Variants in PTCH1 observed in about 807,000 individuals in gnomAD.
PTCH1 encodes patched 1.
In PTCH1, 14 loss-of-function variants were observed where a neutral mutation model predicts 144.6. That is an observed-to-expected ratio of 0.10 (90% CI 0.06 to 0.15). PTCH1 has a LOEUF of 0.15. Ranked by LOEUF, PTCH1 falls within the 10% of genes least tolerant of loss-of-function variation. The pLI is 1.00. For synonymous variants in PTCH1, 833 were observed against 793.6 expected, an observed-to-expected ratio of 1.05 and a Z score of -0.83; for missense variants, 1,623 against 1,948.3, an observed-to-expected ratio of 0.83 and a Z score of 3.14.
intron 20 of PTCH1, 105 bp from the exon 21 acceptor site, chr9:95,450,045 C>T (rs1229005461): frequency 2.1e-5 from 21 of 1,006,014 alleles, no homozygotes; most frequent in Non-Finnish European, 2.9e-5. Flanking sequence ...ATGAACAAAA[C>T]CCACCCCACT....
chr9:95,485,630 C>G, intron 3 of PTCH1, 55 bp downstream of exon 3: 1 of 1,606,818 alleles, frequency 6.2e-7, no homozygotes, highest in Non-Finnish European at 8.5e-7. Context: ...AACCAGCAGC[C>G]TTCTCCCACC....
intron 3 of PTCH1, among the ~76,000 whole-genome samples, chr9:95,485,042 C>T (rs1841858700): frequency 6.6e-6 from 1 of 152,032 alleles, no homozygotes; most frequent in South Asian, 2.1e-4. Flanking sequence ...CCCATCTCTA[C>T]TGAAAATACA....
intron 12 of PTCH1, chr9:95,474,012 C>T (rs866345922): frequency 6.5e-6 from 3 of 462,418 alleles, no homozygotes; most frequent in South Asian, 1.5e-5. Context: ...AGGTGCTTAC[C>T]TTGGGAGAAT....
chr9:95,498,456 G>GT (rs1268844848), intron 2 of PTCH1, among the ~76,000 whole-genome samples: 2 of 152,154 alleles, frequency 1.3e-5, no homozygotes, highest in African/African-American at 4.8e-5. Flanking sequence ...CATGACAGCT[G>GT]TTTTTCCAGC....
chr9:95,446,691 G>A, intron 23 of PTCH1: 4 of 634,634 alleles, frequency 6.3e-6, no homozygotes, highest in Non-Finnish European at 1.1e-5. Context: ...CCGCAGGTTA[G>A]CAGTGGGGGA....
At chr9:95,446,589 A>G (rs1357251995) in intron 23 of PTCH1, 198 bp from the exon 24 acceptor site, 2 of 469,272 alleles carry the variant, frequency 4.3e-6, no homozygotes, top group Non-Finnish European at 8.0e-6. Context: ...TTCCCATGTG[A>G]CCAATTCGCT....
chr9:95,509,999 A>G (rs1368594076), upstream of PTCH1, among the ~76,000 whole-genome samples: 3 of 144,242 alleles, frequency 2.1e-5, no homozygotes, highest in Non-Finnish European at 3.1e-5. Flanking sequence ...TCTCCCCCCA[A>G]CTTAAAAAAA....
chr9:95,458,308 G>A lies in PTCH1; in HGVS notation c.2888-15C>T, dbSNP rs1372660225. 1.2e-5 allele frequency: 19 copies of A among 1,612,878 alleles called. No individual in the cohort carries two copies. The highest frequency in any genetic ancestry group is 1.6e-5 in the Non-Finnish European group (19 of 1,179,640). On this transcript the variant is annotated splice_polypyrimidine_tract_variant and intron_variant, in intron 17 of 23. Coordinates refer to ENST00000331920, the MANE Select transcript of PTCH1 (RefSeq NM_000264.5). This position sits in a 1 kb window ranked among gnomAD's most constrained non-coding sequence, Gnocchi z 4.7. ...TGCTGCCGGGACTGGACAGAGAAGG[G>A]CACAGGTTAGGAGCAGCCCAGGGTA...
intron 2 of PTCH1, among the ~76,000 whole-genome samples, chr9:95,503,563 G>T (rs938656377): frequency 2.0e-5 from 3 of 152,136 alleles, no homozygotes; most frequent in Non-Finnish European, 2.9e-5. Flanking sequence ...ATGAATGAAT[G>T]AATGAATGAA....
upstream of PTCH1, among the ~76,000 whole-genome samples, chr9:95,512,301 C>T (rs577159491): frequency 1.3e-5 from 2 of 152,320 alleles, no homozygotes; most frequent in South Asian, 4.1e-4. Flanking sequence ...ACAATGGTCC[C>T]GGCCTGTAAA....
intron 2 of PTCH1, among the ~76,000 whole-genome samples, chr9:95,498,677 A>G (rs1222678354): frequency 6.6e-6 from 1 of 152,250 alleles, no homozygotes; most frequent in African/African-American, 2.4e-5. Flanking sequence ...AAAAAAATCC[A>G]GTGAGTATTA....
chr9:95,494,552 T>C (rs1842664631), intron 2 of PTCH1, among the ~76,000 whole-genome samples: 1 of 152,180 alleles, frequency 6.6e-6, no homozygotes, highest in Non-Finnish European at 1.5e-5. Flanking sequence ...TCCCAGGTTC[T>C]ACCACAACCT....
rs188325835 is a variant in PTCH1 at position 95,469,938 on chromosome 9, G to A, written c.1729-7C>T. The A allele has an allele frequency of 1.2e-6, 2 of 1,609,006 alleles. No individual in the cohort carries two copies. Among genetic ancestry groups the A allele is most frequent in the Admixed American group, 1.7e-5 (1 of 59,996 alleles). On this transcript the variant is annotated splice_region_variant and splice_polypyrimidine_tract_variant and intron_variant, in intron 12 of 23. Coordinates refer to ENST00000331920, the MANE Select transcript of PTCH1 (RefSeq NM_000264.5). ...ACACCACTACTACCGCTGCCTGGGA[G>A]CAGAAAAAAAATTCAGAGGTCACCA...
intron 16 of PTCH1, among the ~76,000 whole-genome samples, chr9:95,460,318 C>T (rs1352543544): frequency 1.3e-5 from 2 of 152,150 alleles, no homozygotes; most frequent in Non-Finnish European, 1.5e-5. Flanking sequence ...CGAGTGCACA[C>T]CCTCAAGCCT....
Position 95,459,774 on chromosome 9 carries a change from G to C in PTCH1, c.2713C>G (p.Gln905Glu). 6.2e-7 allele frequency: 1 copy of C among 1,614,174 alleles called. No individual in the cohort carries two copies. Among genetic ancestry groups the C allele is most frequent in the African/African-American group, 1.3e-5 (1 of 75,060 alleles). The stretch of plus-strand genomic sequence containing the variant: ...ATGCCATCTGCATCCACCAGACGCT[G>C]TTTAGTCAACTACAAAAACGGGAAG... ...KPIDISQLTK[Q>E]RLVDADGIIN... Residue 905 changes from glutamine to glutamate, a missense_variant, in exon 17 of 24, where the codon CAG becomes GAG. Gln to Glu is a conservative substitution (Grantham distance 29). This residue lies in a region of PTCH1 where 504 missense variants were observed against 679.3 expected (regional missense o/e 0.74). Coordinates refer to ENST00000331920, the MANE Select transcript of PTCH1 (RefSeq NM_000264.5).
At chr9:95,457,907 C>A in intron 18 of PTCH1, 106 bp downstream of exon 18, 1 of 1,440,314 alleles carries the variant, frequency 6.9e-7, no homozygotes, top group Non-Finnish European at 9.7e-7. Context: ...ATGATGCAAG[C>A]TATACCCTCC....
chr9:95,479,300 T>C (rs1219855925), intron 7 of PTCH1, among the ~76,000 whole-genome samples, 153 bp from the exon 8 acceptor site: 1 of 152,224 alleles, frequency 6.6e-6, no homozygotes, highest in Non-Finnish European at 1.5e-5. Context: ...ACCAGGATGG[T>C]TATTTTATTT....
intron 8 of PTCH1, 73 bp from the exon 9 acceptor site, chr9:95,478,259 A>C (rs1660177158): frequency 1.1e-5 from 18 of 1,595,530 alleles, no homozygotes; most frequent in Non-Finnish European, 1.4e-5. Flanking sequence ...CACAGATCTC[A>C]GGTGACACAG....
intron 5 of PTCH1, 86 bp downstream of exon 5, chr9:95,481,863 A>G: frequency 8.0e-7 from 1 of 1,251,680 alleles, no homozygotes; most frequent in South Asian, 1.3e-5. Context: ...TTCAAAACTG[A>G]AATGGAACAA....
Sources: allele counts gnomAD v4.1 joint callset (sites outside exome capture counted in the v4.1 genomes callset), GRCh38; gene constraint gnomAD v4.1.1; regional missense constraint gnomAD v4.1.1; non-coding constraint Gnocchi (gnomAD v3.1); transcripts MANE v1.5; gene names NCBI Gene and HGNC (gene_info 2026-07-23, HGNC 2026-07-21).